The following SLC7A14 variants were observed in gnomAD, a reference collection of about 807,000 sequenced individuals.
SLC7A14 encodes the protein gamma-aminobutyric acid transporter SLC7A14.
A neutral mutation model predicts 60.2 loss-of-function variants in SLC7A14; 37 were observed. That is an observed-to-expected ratio of 0.61 (90% CI 0.47 to 0.81). SLC7A14 has a LOEUF of 0.81. Ranked by LOEUF, SLC7A14 falls within the 30% of genes least tolerant of loss-of-function variation. SLC7A14 has a pLI of 0.00. For missense variants in SLC7A14, 886 were observed against 982.7 expected, an observed-to-expected ratio of 0.90 and a Z score of 1.32; for synonymous variants, 399 against 395.8, an observed-to-expected ratio of 1.01 and a Z score of -0.10.
chr3:170,496,622 C>T (rs1435491511), intron 4 of SLC7A14: 5 of 1,535,112 alleles, frequency 3.3e-6, no homozygotes, highest in Non-Finnish European at 4.5e-6. Context: ...TGCTGGAGGG[C>T]GAGGAGAGCC....
At chr3:170,496,866 T>C (rs1274644240) in intron 4 of SLC7A14, among the ~76,000 whole-genome samples, 1 of 152,124 alleles carries the variant, frequency 6.6e-6, no homozygotes, top group Admixed American at 6.5e-5. Context: ...CCGAGTCCTC[T>C]GACGTCCTGC....
chr3:170,516,220 G>A (rs907038514), intron 2 of SLC7A14, among the ~76,000 whole-genome samples: 1 of 152,224 alleles, frequency 6.6e-6, no homozygotes, highest in African/African-American at 2.4e-5. Context: ...ATATAGAAGA[G>A]CTACATGAAC....
intron 1 of SLC7A14, among the ~76,000 whole-genome samples, chr3:170,554,687 C>T (rs983588510): frequency 1.3e-5 from 2 of 152,234 alleles, no homozygotes; most frequent in Non-Finnish European, 2.9e-5. Flanking sequence ...GATGTTCCTC[C>T]TAAAGCCCAA....
intron 1 of SLC7A14, among the ~76,000 whole-genome samples, chr3:170,560,505 G>A (rs1198254528): frequency 2.0e-5 from 3 of 152,142 alleles, no homozygotes; most frequent in Non-Finnish European, 4.4e-5. Context: ...GTCCTCATGA[G>A]TCATCAGAGA....
intron 1 of SLC7A14, among the ~76,000 whole-genome samples, chr3:170,573,121 A>T (rs1279324240): frequency 2.0e-5 from 3 of 152,242 alleles, no homozygotes; most frequent in Admixed American, 2.0e-4. Context: ...GATTACTGAC[A>T]AGGATAAACC....
At chr3:170,530,442 C>T (rs1268620829) in intron 1 of SLC7A14, among the ~76,000 whole-genome samples, 2 of 152,204 alleles carry the variant, frequency 1.3e-5, no homozygotes, top group South Asian at 4.1e-4. Flanking sequence ...AGGGCAGTCA[C>T]TTACCCAAAG....
At chr3:170,560,330 A>C (rs1714610986) in intron 1 of SLC7A14, among the ~76,000 whole-genome samples, 1 of 152,216 alleles carries the variant, frequency 6.6e-6, no homozygotes, top group African/African-American at 2.4e-5. Flanking sequence ...AATAATATTC[A>C]AAGCATATAC....
rs952144739 is a variant in SLC7A14, at chr3:170,466,930, T to G, written c.*125A>C. On this transcript the variant is annotated 3_prime_UTR_variant, in exon 8 of 8. Coordinates refer to ENST00000231706, the MANE Select transcript of SLC7A14 (RefSeq NM_020949.3). ...AAAGTAGCAAATGACAGGCTATGACTAGGGATTGAATTTGGGGAAGGCTGG... is the reference window on the plus strand; with the variant it reads ...AAAGTAGCAAATGACAGGCTATGACGAGGGATTGAATTTGGGGAAGGCTGG... The G allele has an allele frequency of 1.4e-5, 11 of 799,958 alleles. No homozygotes were observed. The highest frequency in any genetic ancestry group is 1.2e-4 in the Admixed American group (5 of 40,668). The allele number at this position is 799,958 out of a possible 1,614,324, so 49.6% of individuals were successfully genotyped here.
At chr3:170,476,910 G>C (rs1222138536) in intron 7 of SLC7A14, 1 of 152,242 alleles carries the variant, frequency 6.6e-6, no homozygotes, top group Admixed American at 6.5e-5. Context: ...TTTGCAAAAT[G>C]CCTCTGGTGC....
rs1715368895 is a variant in SLC7A14 at position 170,585,757 on chromosome 3, G to T, written c.-153+154C>A. 2.0e-5 allele frequency among the ~76,000 whole-genome samples: 3 copies of T among 149,492 alleles called. No individual in the cohort carries two copies. Among genetic ancestry groups the T allele is most frequent in the African/African-American group, 7.4e-5 (3 of 40,598 alleles). ...GGAACCCCTTCTCGGAGGGCGCCCTGGGCCTCCGCGCCATATTCCTGGTCC... is the reference window on the plus strand; with the variant it reads ...GGAACCCCTTCTCGGAGGGCGCCCTTGGCCTCCGCGCCATATTCCTGGTCC... On this transcript the variant is annotated intron_variant, in intron 1 of 7. Transcript: ENST00000231706. The surrounding 1 kb of genome is among the most constrained non-coding windows in gnomAD (Gnocchi z 5.1).
intron 1 of SLC7A14, among the ~76,000 whole-genome samples, chr3:170,538,851 C>T (rs960118810): frequency 2.1e-4 from 32 of 152,214 alleles, no homozygotes; most frequent in Admixed American, 1.5e-3. Context: ...GCTCCTCTTC[C>T]TGTTTTCCTC....
At chr3:170,484,541 A>G (rs775172273) in intron 5 of SLC7A14, among the ~76,000 whole-genome samples, 1 of 152,226 alleles carries the variant, frequency 6.6e-6, no homozygotes, top group Non-Finnish European at 1.5e-5. Flanking sequence ...CCCCAGGCCT[A>G]TGAAGGCCAA....
intron 7 of SLC7A14, chr3:170,476,760 C>T (rs1338689972): frequency 1.3e-5 from 2 of 152,186 alleles, no homozygotes; most frequent in African/African-American, 4.8e-5. Context: ...AAATTATCTG[C>T]ATTTTTACAG....
At chr3:170,490,033 A>T (rs1366732192) in intron 4 of SLC7A14, among the ~76,000 whole-genome samples, 1 of 152,194 alleles carries the variant, frequency 6.6e-6, no homozygotes, top group Non-Finnish European at 1.5e-5. Flanking sequence ...ACTATTAGAT[A>T]ACATAACAGG....
At position 170,487,408 on chromosome 3, in the gene SLC7A14, G is replaced by A. The variant is rs371004068; in HGVS notation, c.760-1040C>T. ...GAAGGTGAGAGATATTTTTGGACTT[G>A]TGTGTATGGGGTGAGGGAAAAAGAA... On this transcript the variant is annotated intron_variant, in intron 4 of 7. Transcript: ENST00000231706. Among the ~76,000 whole-genome samples, 27 of 151,920 alleles carry A rather than the reference G, an allele frequency of 1.8e-4. 1 individual carries two copies. The highest frequency in any genetic ancestry group is 6.8e-3 in the Middle Eastern group (2 of 294).
In SLC7A14 at chr3:170,504,855, C is replaced by A. The variant is rs145009548; in HGVS notation, c.305-3510G>T. On this transcript the variant is annotated intron_variant, in intron 2 of 7. Transcript: ENST00000231706. ...GTTCTCAGTGAAGGTGGTACTGACT[C>A]CTAGGGGAATTTTGGAAATATGTGG... Among the ~76,000 whole-genome samples the A allele has an allele frequency of 2.2e-3, 341 of 152,152 alleles. 1 individual carries two copies. Among genetic ancestry groups the A allele is most frequent in the African/African-American group, 8.0e-3 (332 of 41,518 alleles).
chr3:170,534,525 C>T (rs1713779162), intron 1 of SLC7A14, among the ~76,000 whole-genome samples: 1 of 152,142 alleles, frequency 6.6e-6, no homozygotes, highest in Non-Finnish European at 1.5e-5. Context: ...TGTCACTGAT[C>T]CCTTACTATG....
chr3:170,516,566 A>AAT (rs1553870087), intron 2 of SLC7A14, among the ~76,000 whole-genome samples: 10 of 151,538 alleles, frequency 6.6e-5, no homozygotes, highest in African/African-American at 2.2e-4. Flanking sequence ...TACAAAAAAA[A>AAT]AATAATAATA....
intron 2 of SLC7A14, among the ~76,000 whole-genome samples, chr3:170,519,317 T>A (rs1392504500): frequency 6.6e-6 from 1 of 152,230 alleles, no homozygotes; most frequent in East Asian, 1.9e-4. Context: ...GACAGCCAGC[T>A]TTTCCTTTCC....
Sources: allele counts gnomAD v4.1 joint callset (sites outside exome capture counted in the v4.1 genomes callset), GRCh38; gene constraint gnomAD v4.1.1; non-coding constraint Gnocchi (gnomAD v3.1); transcripts MANE v1.5; gene names NCBI Gene and HGNC (gene_info 2026-07-23, HGNC 2026-07-21).